NIBAN3: variants seen among roughly 807,000 people sequenced by gnomAD.
NIBAN3 encodes protein Niban 3.
In NIBAN3, 66 loss-of-function variants were observed where a neutral mutation model predicts 76.4. The ratio of observed to expected loss-of-function variants is 0.86; its 90% CI spans 0.71 to 1.06. NIBAN3 has a LOEUF of 1.06. Ranked by LOEUF, NIBAN3 falls within the 50% of genes least tolerant of loss-of-function variation. The pLI, the probability that NIBAN3 is intolerant of heterozygous loss-of-function variation, is 0.00. For missense variants in NIBAN3, 808 were observed against 810.7 expected (o/e 1.00, Z 0.04); for synonymous variants, 360 against 355.2 (o/e 1.01, Z -0.15).
rs1487908399 is a variant in NIBAN3 at position 17,546,736 on chromosome 19, G to A, written c.1605G>A (p.Leu535=). The A allele has an allele frequency of 6.2e-7, 1 of 1,605,358 alleles. No individual in the cohort carries two copies. The highest frequency in any genetic ancestry group is 1.7e-5 in the Admixed American group (1 of 58,460). ...GDVLAVGSQA[L]TTEGIYEDVI... ...TCCTTGCCGTGGGCAGCCAGGCTCT[G>A]ACCACTGAGGGCATCTATGAGGACG... Residue 535 remains leucine (L), a synonymous_variant, in exon 13 of 15, where the codon CTG becomes CTA. Coordinates refer to ENST00000599164, the MANE Select transcript of NIBAN3 (RefSeq NM_001321827.2).
chr19:17,554,763 G>A (rs1203037395), downstream of NIBAN3, among the ~76,000 whole-genome samples: 3 of 131,642 alleles, frequency 2.3e-5, no homozygotes, highest in Non-Finnish European at 3.1e-5. Context: ...CGGGGCAATG[G>A]AGTGAGACGC....
At chr19:17,555,026 A>C (rs983852987), downstream of NIBAN3, among the ~76,000 whole-genome samples, 2 of 152,070 alleles carry the variant, frequency 1.3e-5, no homozygotes, top group African/African-American at 2.4e-5. Flanking sequence ...TTTCCATGAA[A>C]ACATGGCCCT....
At chr19:17,553,830 C>A (rs943763941), downstream of NIBAN3, 4 of 342,074 alleles carry the variant, frequency 1.2e-5, no homozygotes, top group Non-Finnish European at 2.2e-5. Flanking sequence ...TATGAAAAGA[C>A]CTTTCCTCAT....
At chr19:17,529,093 C>T (rs1247213580) in intron 1 of NIBAN3, among the ~76,000 whole-genome samples, 2 of 152,214 alleles carry the variant, frequency 1.3e-5, no homozygotes, top group Admixed American at 6.5e-5. Flanking sequence ...TTCACGTTCA[C>T]ACCCTGGTCA....
At chr19:17,549,172 T>A (rs1392756877) in intron 13 of NIBAN3, among the ~76,000 whole-genome samples, 2 of 152,182 alleles carry the variant, frequency 1.3e-5, no homozygotes, top group Admixed American at 6.5e-5. Context: ...AAAGATTTTA[T>A]GTATCCTTAA....
At chr19:17,526,437 G>C (rs1396923129), upstream of NIBAN3, among the ~76,000 whole-genome samples, 2 of 151,448 alleles carry the variant, frequency 1.3e-5, no homozygotes, top group Non-Finnish European at 2.9e-5. Flanking sequence ...GAGTCCAGAA[G>C]TTTGAGACCA....
In NIBAN3 at chr19:17,553,629, A is replaced by C; in HGVS notation, c.*1731A>C. ...CTTCCGAAATACATTTGCTCAATACATTTGCACTTCATAGGCTTCTTTAGC... is the reference window on the plus strand; with the variant it reads ...CTTCCGAAATACATTTGCTCAATACCTTTGCACTTCATAGGCTTCTTTAGC... On this transcript the variant is annotated 3_prime_UTR_variant, in exon 15 of 15. Coordinates refer to ENST00000599164, the MANE Select transcript of NIBAN3 (RefSeq NM_001321827.2). 1 of 1,385,798 alleles carries C rather than the reference A, an allele frequency of 7.2e-7. No homozygotes were observed. Among genetic ancestry groups the C allele is most frequent in the South Asian group, 1.2e-5 (1 of 85,526 alleles). The allele number at this position is 1,385,798 out of a possible 1,614,324, so 85.8% of individuals were successfully genotyped here. A position where few individuals can be genotyped will look rare whatever the true frequency, so the allele number is the denominator to read the frequency against.
rs11666267 is a variant in NIBAN3 at position 17,549,491 on chromosome 19, G to C, written c.1714G>C (p.Gly572Arg). Reference protein sequence around the residue: ...GANDVSCTLDGCLEVPWEQEG... With the variant: ...GANDVSCTLDRCLEVPWEQEG... ...CAATGATGTATCCTGCACTCTGGAC[G>C]GCTGCTTGGAGGTCCCATGGGAACA... Residue 572 changes from glycine to arginine, a missense_variant, in exon 14 of 15, where the codon GGC (glycine) becomes CGC (arginine). Coordinates refer to ENST00000599164, the MANE Select transcript of NIBAN3 (RefSeq NM_001321827.2). 8 of 1,613,534 alleles carry C rather than the reference G, an allele frequency of 5.0e-6. No homozygotes were observed. The South Asian group carries it at 7.7e-5, about 16-fold the overall frequency.
chr19:17,553,434 C>T lies in NIBAN3; in HGVS notation c.*1536C>T, dbSNP rs1457649247. On this transcript the variant is annotated 3_prime_UTR_variant, in exon 15 of 15. Coordinates refer to ENST00000599164, the MANE Select transcript of NIBAN3 (RefSeq NM_001321827.2). Reference sequence around the variant, plus strand: ...TGGCAGCTTCTCTGCTGTCTTGCAGCTGCTTCCGGAGTGGGTTCCACAGGG... The same window carrying T: ...TGGCAGCTTCTCTGCTGTCTTGCAGTTGCTTCCGGAGTGGGTTCCACAGGG... 6.2e-7 allele frequency: 1 copy of T among 1,614,204 alleles called. No individual in the cohort carries two copies. The highest frequency in any genetic ancestry group is 8.5e-7 in the Non-Finnish European group (1 of 1,180,036).
At chr19:17,539,087 C>A in intron 5 of NIBAN3, 63 bp from the exon 6 acceptor site, 1 of 1,437,376 alleles carries the variant, frequency 7.0e-7, no homozygotes, top group Non-Finnish European at 9.4e-7. Context: ...GGGCTTCCTC[C>A]CCGGGCCATC....
At position 17,540,427 on chromosome 19, in the gene NIBAN3, C is replaced by G; in HGVS notation, c.1015C>G (p.Arg339Gly). 1 of 1,530,728 alleles carries G rather than the reference C, an allele frequency of 6.5e-7. No homozygotes were observed. Among genetic ancestry groups the G allele is most frequent in the East Asian group, 2.5e-5 (1 of 40,688 alleles). 94.8% of individuals were successfully genotyped at this position (1,530,728 alleles called of 1,614,324 possible). A position where few individuals can be genotyped will look rare whatever the true frequency, so the allele number is the denominator to read the frequency against. The change falls in exon 9 of 15, where the codon CGG (arginine) becomes GGG (glycine). Residue 339 changes from arginine (R) to glycine (G), a missense_variant. Transcript: ENST00000599164. ...GGGACCGCTCGAGTCGTGCCTGCGC[C>G]GGGAGGTGGACCCGCAGCTGCCCCG... ...IRGPLESCLR[R>G]EVDPQLPRVV...
intron 3 of NIBAN3, 149 bp from the exon 4 acceptor site, chr19:17,533,434 AGAGG>A (rs2075767752): frequency 1.6e-5 from 7 of 446,730 alleles, no homozygotes; most frequent in African/African-American, 6.6e-5. Flanking sequence ...AAAAAAAGAG[AGAGG>A]GAGGAATGGA....
At position 17,532,138 on chromosome 19, in the gene NIBAN3, T is replaced by C. The variant is rs112692210; in HGVS notation, c.187-125T>C. Reference sequence around the variant, plus strand: ...GAGCCCCTTCCTGCCTAGGACTCTCTCTGTCCAGCCTGGGGCATCACGGGA... The same window carrying C: ...GAGCCCCTTCCTGCCTAGGACTCTCCCTGTCCAGCCTGGGGCATCACGGGA... On this transcript the variant is annotated intron_variant, in intron 2 of 14. Coordinates refer to ENST00000599164, the MANE Select transcript of NIBAN3 (RefSeq NM_001321827.2). 5,327 of 1,273,182 alleles carry C rather than the reference T, an allele frequency of 4.2e-3. 197 individuals carry two copies. The African/African-American group carries it at 0.074, about 18-fold the overall frequency. The allele number at this position is 1,273,182 out of a possible 1,614,324, so 78.9% of individuals were successfully genotyped here.
At position 17,553,209 on chromosome 19, in the gene NIBAN3, A is replaced by C; in HGVS notation, c.*1311A>C. The C allele has an allele frequency of 6.6e-7, 1 of 1,506,504 alleles. No homozygotes were observed. The highest frequency in any genetic ancestry group is 1.4e-5 in the South Asian group (1 of 73,418). The allele number at this position is 1,506,504 out of a possible 1,614,324, so 93.3% of individuals were successfully genotyped here. A position where few individuals can be genotyped will look rare whatever the true frequency, so the allele number is the denominator to read the frequency against. ...GTTTGCATTTTTCTTATTGATATCT[A>C]ATAACTCTTTATATCTGAAGGATAT... is the stretch of plus-strand genomic sequence containing the variant. On this transcript the variant is annotated 3_prime_UTR_variant, in exon 15 of 15. Coordinates refer to ENST00000599164, the MANE Select transcript of NIBAN3 (RefSeq NM_001321827.2).
At chr19:17,532,591 C>T (rs888631988) in intron 3 of NIBAN3, among the ~76,000 whole-genome samples, 10 of 152,106 alleles carry the variant, frequency 6.6e-5, no homozygotes, top group Non-Finnish European at 1.2e-4. Flanking sequence ...AAACTGAGGC[C>T]CAGGCCAGGG....
intron 1 of NIBAN3, among the ~76,000 whole-genome samples, chr19:17,529,972 G>A (rs2075683130): frequency 6.6e-6 from 1 of 151,564 alleles, no homozygotes. Flanking sequence ...GAGGTGGGAG[G>A]ATCACTTGAG....
rs577997612 is a variant in NIBAN3, at chr19:17,537,819, A to G, written c.595+276A>G. 9.7e-4 allele frequency among the ~76,000 whole-genome samples: 148 copies of G among 152,178 alleles called. 1 individual carries two copies. The highest frequency in any genetic ancestry group is 7.4e-5 in the Non-Finnish European group (5 of 68,002). On this transcript the variant is annotated intron_variant, in intron 5 of 14. Coordinates refer to ENST00000599164, the MANE Select transcript of NIBAN3 (RefSeq NM_001321827.2). ...AAATTAGCTGGGCATGGTGGAAGGC[A>G]CCTGTAATCCCAGCCACTCGGGAGG...
chr19:17,554,123 C>G (rs1212717362), downstream of NIBAN3, among the ~76,000 whole-genome samples: 1 of 152,146 alleles, frequency 6.6e-6, no homozygotes, highest in Non-Finnish European at 1.5e-5. Flanking sequence ...ATCCGCCTGC[C>G]TCAGCCTCCC....
At chr19:17,555,195 C>T (rs933536319), downstream of NIBAN3, among the ~76,000 whole-genome samples, 7 of 152,160 alleles carry the variant, frequency 4.6e-5, no homozygotes, top group African/African-American at 1.7e-4. Flanking sequence ...GACGCCAGGT[C>T]TGTGGACGTC....
Sources: allele counts gnomAD v4.1 joint callset (sites outside exome capture counted in the v4.1 genomes callset), GRCh38; gene constraint gnomAD v4.1.1; transcripts MANE v1.5; gene names NCBI Gene and HGNC (gene_info 2026-07-23, HGNC 2026-07-21).